Variants in JAZF1 observed in about 807,000 individuals in gnomAD.
JAZF1 encodes the protein juxtaposed with another zinc finger protein 1.
Under a neutral mutation model 26.4 loss-of-function variants are expected in JAZF1, and 8 were observed. The observed-to-expected ratio is 0.30, with a 90% confidence interval of 0.18 to 0.55. JAZF1 has a LOEUF of 0.55. Among genes scored for constraint, JAZF1 ranks in the 20% least tolerant of loss-of-function variants. The probability of loss-of-function intolerance (pLI) is 0.94; values close to 1 mark genes in which losing one functional copy is unlikely to be tolerated. For missense variants in JAZF1, 199 were observed against 322.0 expected, an observed-to-expected ratio of 0.62 and a Z score of 2.92; for synonymous variants, 126 against 122.3, an observed-to-expected ratio of 1.03 and a Z score of -0.20.
At chr7:28,013,107 G>T (rs992885657) in intron 1 of JAZF1, among the ~76,000 whole-genome samples, 1 of 152,106 alleles carries the variant, frequency 6.6e-6, no homozygotes, top group African/African-American at 2.4e-5. Context: ...TATAGCCCCA[G>T]TGATTCCAGT....
At chr7:27,879,550 A>C (rs138210404) in intron 3 of JAZF1, among the ~76,000 whole-genome samples, 158 of 152,304 alleles carry the variant, frequency 1.0e-3, no homozygotes, top group Non-Finnish European at 3.2e-4. Context: ...ATCTAACTTC[A>C]TCATGGTGAA....
chr7:27,985,687 C>T (rs1785684983), intron 2 of JAZF1, among the ~76,000 whole-genome samples: 1 of 152,008 alleles, frequency 6.6e-6, no homozygotes, highest in African/African-American at 2.4e-5. Flanking sequence ...TGATGAACAT[C>T]GATGCAAAAA....
At chr7:28,130,506 C>T (rs1391787075) in intron 1 of JAZF1, among the ~76,000 whole-genome samples, 1 of 152,160 alleles carries the variant, frequency 6.6e-6, no homozygotes, top group Non-Finnish European at 1.5e-5. Context: ...CCCACATTCA[C>T]CCTCCCTTGC....
intron 2 of JAZF1, among the ~76,000 whole-genome samples, chr7:27,937,703 T>A (rs1429414929): frequency 6.7e-6 from 1 of 149,994 alleles, no homozygotes; most frequent in Non-Finnish European, 1.5e-5. Flanking sequence ...CAATATGCTA[T>A]GAAAAAGCTT....
At chr7:28,057,079 C>T (rs1371616999) in intron 1 of JAZF1, among the ~76,000 whole-genome samples, 1 of 152,268 alleles carries the variant, frequency 6.6e-6, no homozygotes, top group Non-Finnish European at 1.5e-5. Flanking sequence ...AAGTTCCTAG[C>T]TATCCATCAT....
In JAZF1 at chr7:28,087,851, T is replaced by C. The variant is rs139783635; in HGVS notation, c.115+92612A>G. On this transcript the variant is annotated intron_variant, in intron 1 of 4. Transcript: ENST00000283928. ...TTGTTTTCCTTAATCAATGAAAATG[T>C]CCATTTTAAAAAGGAAAAAAATAGT... Among the ~76,000 whole-genome samples the C allele has an allele frequency of 2.1e-3, 321 of 152,360 alleles. 2 individuals are homozygous for C. Among genetic ancestry groups the C allele is most frequent in the African/African-American group, 7.4e-3 (308 of 41,590 alleles).
chr7:28,115,038 G>T (rs1784720268), intron 1 of JAZF1, among the ~76,000 whole-genome samples: 1 of 152,142 alleles, frequency 6.6e-6, no homozygotes, highest in Admixed American at 6.6e-5. Context: ...TTTACAAAGG[G>T]TCTCTGTAGG....
At chr7:28,166,113 CAT>C (rs148796026) in intron 1 of JAZF1, among the ~76,000 whole-genome samples, 6 of 122,776 alleles carry the variant, frequency 4.9e-5, no homozygotes, top group East Asian at 3.0e-4. Context: ...CCCTTGGTTA[CAT>C]ATATATATAT....
intron 1 of JAZF1, among the ~76,000 whole-genome samples, chr7:28,129,986 G>T (rs73300603): frequency 0.044 from 6,624 of 151,950 alleles, 392 homozygotes; most frequent in African/African-American, 0.14. Context: ...TGCCTAAACA[G>T]GAACTACTGA....
At chr7:28,011,353 T>C (rs570771764) in intron 1 of JAZF1, among the ~76,000 whole-genome samples, 55 of 152,216 alleles carry the variant, frequency 3.6e-4, no homozygotes, top group Admixed American at 1.6e-3. Flanking sequence ...AGTTTTAGAA[T>C]GCATTGCACA....
chr7:28,056,275 T>C (rs1411345303), intron 1 of JAZF1, among the ~76,000 whole-genome samples: 1 of 151,612 alleles, frequency 6.6e-6, no homozygotes, highest in Non-Finnish European at 1.5e-5. Flanking sequence ...AGTTAATTAG[T>C]AAAAGGAGGC....
At chr7:28,073,654 C>A (rs2127911746) in intron 1 of JAZF1, among the ~76,000 whole-genome samples, 1 of 152,234 alleles carries the variant, frequency 6.6e-6, no homozygotes, top group South Asian at 2.1e-4. Flanking sequence ...AGGGAACGTG[C>A]TTATTTACGT....
rs539722529 is a variant in JAZF1 at position 28,105,475 on chromosome 7, C to T, written c.115+74988G>A. The stretch of plus-strand genomic sequence containing the variant: ...TGCACCTTGGGACACTTGAGCCCAG[C>T]AGCAATGCCTGCCCTATTTCAGGAA... On this transcript the variant is annotated intron_variant, in intron 1 of 4. Coordinates refer to ENST00000283928, the MANE Select transcript of JAZF1 (RefSeq NM_175061.4). 4.6e-5 allele frequency among the ~76,000 whole-genome samples: 7 copies of T among 152,334 alleles called. 1 individual carries two copies. The South Asian group carries it at 1.5e-3, about 32-fold the overall frequency.
At chr7:28,042,485 G>T (rs1783409983) in intron 1 of JAZF1, among the ~76,000 whole-genome samples, 1 of 152,194 alleles carries the variant, frequency 6.6e-6, no homozygotes, top group South Asian at 2.1e-4. Context: ...GAGGTGTGAA[G>T]ACTAAAGCCA....
intron 2 of JAZF1, among the ~76,000 whole-genome samples, chr7:27,905,226 A>T (rs1489700223): frequency 1.3e-5 from 2 of 152,176 alleles, no homozygotes; most frequent in Non-Finnish European, 2.9e-5. Context: ...GGCCTCCCAA[A>T]GTGCTAGGAT....
At chr7:28,103,316 C>T (rs1784503155) in intron 1 of JAZF1, among the ~76,000 whole-genome samples, 1 of 152,094 alleles carries the variant, frequency 6.6e-6, no homozygotes, top group Non-Finnish European at 1.5e-5. Flanking sequence ...TGGTATTTAC[C>T]TATAGTTCTG....
At chr7:27,926,604 C>A (rs527918187) in intron 2 of JAZF1, among the ~76,000 whole-genome samples, 98 of 152,344 alleles carry the variant, frequency 6.4e-4, no homozygotes, top group Non-Finnish European at 9.6e-4. Context: ...AACGTATGAA[C>A]ACACTCCACA....
At chr7:28,116,748 A>G (rs544034695) in intron 1 of JAZF1, among the ~76,000 whole-genome samples, 1 of 152,106 alleles carries the variant, frequency 6.6e-6, no homozygotes, top group African/African-American at 2.4e-5. Context: ...GCACCCAGCC[A>G]AGACAATGTT....
chr7:28,144,785 C>G (rs1352760548), intron 1 of JAZF1, among the ~76,000 whole-genome samples: 1 of 152,062 alleles, frequency 6.6e-6, no homozygotes, highest in Non-Finnish European at 1.5e-5. Context: ...GGAAAATGGA[C>G]AGATGGATAA....
Sources: allele counts gnomAD v4.1 joint callset (sites outside exome capture counted in the v4.1 genomes callset), GRCh38; gene constraint gnomAD v4.1.1; transcripts MANE v1.5; gene names NCBI Gene and HGNC (gene_info 2026-07-23, HGNC 2026-07-21).